Variants in CDCA5 observed in about 807,000 individuals in gnomAD.
CDCA5 encodes sororin.
A neutral mutation model predicts 25.7 loss-of-function variants in CDCA5; 14 were observed. That is an observed-to-expected ratio of 0.54 (90% CI 0.36 to 0.85). The LOEUF is 0.85. CDCA5 is among the 40% of genes least tolerant of loss of function. The pLI, the probability that CDCA5 is intolerant of heterozygous loss-of-function variation, is 0.01. For synonymous variants in CDCA5, 127 were observed against 128.7 expected (o/e 0.99, Z 0.09); for missense variants, 307 against 324.5 (o/e 0.95, Z 0.41).
chr11:65,074,309 G>T (rs186217841), downstream of CDCA5, among the ~76,000 whole-genome samples: 111 of 152,272 alleles, frequency 7.3e-4, no homozygotes, highest in Non-Finnish European at 1.3e-3. Context: ...CTGACCTCAA[G>T]TGACCCACCA....
At chr11:65,072,716 G>A (rs371909440), downstream of CDCA5, among the ~76,000 whole-genome samples, 1 of 152,122 alleles carries the variant, frequency 6.6e-6, no homozygotes. Context: ...GGACACTGGG[G>A]GGACAGAGAC....
intron 1 of CDCA5, among the ~76,000 whole-genome samples, chr11:65,072,099 C>A (rs534708867): frequency 6.6e-6 from 1 of 152,238 alleles, no homozygotes; most frequent in Non-Finnish European, 1.5e-5. Context: ...TGATGAGGAA[C>A]TCTGCTGGCT....
chr11:65,083,653 G>T lies in CDCA5; in HGVS notation c.117C>A (p.Ser39Arg), dbSNP rs147681486. Reference sequence around the variant, plus strand: ...CCTTCGGCCAGATTTCAGGGAGGATGCTCGGGAGTTCAGAGCCTGATTTCC... The same window carrying T: ...CCTTCGGCCAGATTTCAGGGAGGATTCTCGGGAGTTCAGAGCCTGATTTCC... ...SQRKSGSELP[S>R]ILPEIWPKTP... Residue 39 changes from serine (S) to arginine (R), a missense_variant, in exon 2 of 6, where the codon AGC becomes AGA. Physicochemically the swap from Ser to Arg is moderately radical, Grantham distance 110 (BLOSUM62 -1). Transcript: ENST00000275517. 6.2e-7 allele frequency: 1 copy of T among 1,614,232 alleles called. No individual in the cohort carries two copies. Among genetic ancestry groups the T allele is most frequent in the East Asian group, 2.2e-5 (1 of 44,884 alleles).
At chr11:65,061,914 A>ATTTTTTTTTTTTTTTTT (rs35836447), downstream of CDCA5, among the ~76,000 whole-genome samples, 1 of 82,312 alleles carries the variant, frequency 1.2e-5, no homozygotes, top group Non-Finnish European at 2.3e-5. Context: ...CAGCTGCCTA[A>ATTTTTTTTTTTTTTTTT]TTTTTTTTTT....
At chr11:65,067,469 G>T (rs1947260680) in intron 4 of CDCA5, among the ~76,000 whole-genome samples, 1 of 152,198 alleles carries the variant, frequency 6.6e-6, no homozygotes, top group Admixed American at 6.5e-5. Context: ...CAGCTCCAGA[G>T]CCCGACATCC....
Position 65,077,940 on chromosome 11 carries a change from C to T in CDCA5, c.*1167G>A, listed in dbSNP as rs1565281384. 3.0e-6 allele frequency: 3 copies of T among 985,332 alleles called. No individual in the cohort carries two copies. Among genetic ancestry groups the T allele is most frequent in the African/African-American group, 1.7e-5 (1 of 57,196 alleles). The allele number at this position is 985,332 out of a possible 1,614,324, so 61.0% of individuals were successfully genotyped here. On this transcript the variant is annotated 3_prime_UTR_variant, in exon 6 of 6. Transcript: ENST00000275517. ...ATGGCCAGGGGTGCGGCAGGAGAGT[C>T]GGGGGCAGGGCAGCCTTCAAATCCA...
At chr11:65,061,116 T>G in the CDCA5 span, among the ~76,000 whole-genome samples, 21 of 152,328 alleles carry the variant, frequency 1.4e-4, no homozygotes, top group Non-Finnish European at 2.2e-4. Flanking sequence ...ACTTTCTGCT[T>G]CTTCTGCGCC....
chr11:65,064,006 A>T (rs1036513899), downstream of CDCA5, among the ~76,000 whole-genome samples: 2 of 152,094 alleles, frequency 1.3e-5, no homozygotes, highest in African/African-American at 4.8e-5. Context: ...ATCTATAAGC[A>T]CTTCTGTGGT....
At chr11:65,068,074 A>G (rs1565266720) in exon 3 of CDCA5, 1 of 1,289,302 alleles carries the variant, frequency 7.8e-7, no homozygotes, top group Non-Finnish European at 1.0e-6. Context: ...TCAGGAGTGT[A>G]AACAGGAACG....
chr11:65,083,502 C>T lies in CDCA5; in HGVS notation c.190G>A (p.Val64Met). ...VRKPIVLKRI[V>M]AHAVEVPAVQ... The stretch of plus-strand genomic sequence containing the variant: ...GCCTTTACCTCTACAGCATGGGCCA[C>T]GATCCTCTTTAAGACGATGGGCTTT... The change falls in exon 3 of 6, where the codon GTG (valine) becomes ATG (methionine). Residue 64 changes from valine to methionine, a missense_variant. Val to Met is a conservative substitution (Grantham distance 21). Coordinates refer to ENST00000275517, the MANE Select transcript of CDCA5 (RefSeq NM_080668.4). The T allele has an allele frequency of 3.1e-6, 5 of 1,614,212 alleles. No individual in the cohort carries two copies. The highest frequency in any genetic ancestry group is 4.2e-6 in the Non-Finnish European group (5 of 1,180,038).
chr11:65,083,937 G>A lies in CDCA5; in HGVS notation c.42C>T (p.Arg14=). ...TCCCGCGCGCCCTCCGCTCACCGGA[G>A]CGCTGAGCGGCTCCTCCGGACCGCG... The part of the protein sequence containing the change: ...RRTRSGGAAQ[R]SGPRAPSPTK... The change falls in exon 1 of 6, where the codon CGC becomes CGT. Residue 14 remains arginine (R), a synonymous_variant. Transcript: ENST00000275517. The A allele has an allele frequency of 1.9e-6, 3 of 1,609,780 alleles. No homozygotes were observed. The South Asian group carries it at 3.3e-5, about 18-fold the overall frequency.
In CDCA5 at chr11:65,084,012, G is replaced by A. The variant is rs916556103; in HGVS notation, c.-34C>T. On this transcript the variant is annotated 5_prime_UTR_variant, in exon 1 of 6. Transcript: ENST00000275517. Reference sequence around the variant, plus strand: ...CTCCGTCTCGAGCTCCTCCAGCGCCGCCGCCCCGGGCGCGCGCCAACCGGG... The same window carrying A: ...CTCCGTCTCGAGCTCCTCCAGCGCCACCGCCCCGGGCGCGCGCCAACCGGG... 2.5e-6 allele frequency: 4 copies of A among 1,592,128 alleles called. No individual in the cohort carries two copies. The highest frequency in any genetic ancestry group is 4.5e-5 in the East Asian group (2 of 44,570).
intron 1 of CDCA5, chr11:65,068,641 A>T: frequency 3.4e-6 from 4 of 1,173,938 alleles, no homozygotes; most frequent in Non-Finnish European, 2.3e-6. Flanking sequence ...CACATCTACC[A>T]TCCCCGCTAT....
At chr11:65,070,539 A>C (rs894968222) in intron 1 of CDCA5, among the ~76,000 whole-genome samples, 1 of 152,204 alleles carries the variant, frequency 6.6e-6, no homozygotes, top group Admixed American at 6.5e-5. Context: ...GCTGGAGTGC[A>C]GTGGCACCCT....
At chr11:65,072,443 C>A (rs1191801347) in intron 1 of CDCA5, among the ~76,000 whole-genome samples, 1 of 152,180 alleles carries the variant, frequency 6.6e-6, no homozygotes, top group Admixed American at 6.5e-5. Flanking sequence ...AGGGTGAAGT[C>A]CACTCTCCAA....
At position 65,078,890 on chromosome 11, in the gene CDCA5, A is replaced by C; in HGVS notation, c.*217T>G. The C allele has an allele frequency of 8.0e-7, 1 of 1,251,852 alleles. No individual in the cohort carries two copies. The highest frequency in any genetic ancestry group is 1.0e-6 in the Non-Finnish European group (1 of 999,224). 77.5% of individuals were successfully genotyped at this position (1,251,852 alleles called of 1,614,324 possible). On this transcript the variant is annotated 3_prime_UTR_variant, in exon 6 of 6. Coordinates refer to ENST00000275517, the MANE Select transcript of CDCA5 (RefSeq NM_080668.4). Reference sequence around the variant, plus strand: ...AGGACAGGACGACAAGAGACAGGACACCAGTGAGTGGCTGGGCCAGGCGGC... The same window carrying C: ...AGGACAGGACGACAAGAGACAGGACCCCAGTGAGTGGCTGGGCCAGGCGGC...
At chr11:65,063,493 C>A (rs1185561747), downstream of CDCA5, among the ~76,000 whole-genome samples, 3 of 152,202 alleles carry the variant, frequency 2.0e-5, no homozygotes, top group African/African-American at 7.2e-5. Context: ...ATTCATCCTC[C>A]GAGGTGGACA....
At chr11:65,072,700 G>A (rs974417666), downstream of CDCA5, among the ~76,000 whole-genome samples, 1 of 152,150 alleles carries the variant, frequency 6.6e-6, no homozygotes, top group South Asian at 2.1e-4. Context: ...ACTCCATGAT[G>A]TGCCTGGACA....
At chr11:65,081,802 T>TA (rs977337833) in intron 4 of CDCA5, among the ~76,000 whole-genome samples, 17 of 151,652 alleles carry the variant, frequency 1.1e-4, no homozygotes, top group African/African-American at 3.4e-4. Context: ...CTCATCTCTA[T>TA]AAAAAAAATT....
Sources: allele counts gnomAD v4.1 joint callset (sites outside exome capture counted in the v4.1 genomes callset), GRCh38; gene constraint gnomAD v4.1.1; transcripts MANE v1.5; gene names NCBI Gene and HGNC (gene_info 2026-07-23, HGNC 2026-07-21).